Variants in ANKS3 observed in about 807,000 individuals in gnomAD.
The protein encoded by ANKS3 is ankyrin repeat and sterile alpha motif domain containing 3.
In ANKS3, 62 loss-of-function variants were observed where a neutral mutation model predicts 80.7. The ratio of observed to expected loss-of-function variants is 0.77; its 90% confidence interval spans 0.63 to 0.95. The LOEUF is 0.95. ANKS3 is among the 40% of genes least tolerant of loss of function. ANKS3 has a pLI of 0.00. For synonymous variants in ANKS3, 489 were observed against 355.3 expected, an observed-to-expected ratio of 1.38 and a Z score of -4.23; for missense variants, 1,150 against 883.6, an observed-to-expected ratio of 1.30 and a Z score of -3.82.
At chr16:4,714,349 G>GC (rs2080661612) in intron 6 of ANKS3, 163 bp from the exon 7 acceptor site, 2 of 1,048,276 alleles carry the variant, frequency 1.9e-6, no homozygotes, top group African/African-American at 3.2e-5. Flanking sequence ...TGTCTGCACC[G>GC]CAGCCACAAG....
chr16:4,710,003 C>T (rs963566407), intron 7 of ANKS3, among the ~76,000 whole-genome samples: 13 of 152,110 alleles, frequency 8.5e-5, no homozygotes, highest in African/African-American at 2.9e-4. Flanking sequence ...AAAGCGAGAA[C>T]CTGTCTCAAA....
intron 1 of ANKS3, among the ~76,000 whole-genome samples, chr16:4,733,202 C>CAAA (rs56944690): frequency 0.055 from 3,833 of 70,274 alleles, 517 homozygotes; most frequent in African/African-American, 0.095. Context: ...GACTCCGTCT[C>CAAA]AAAAAAAAAA....
At chr16:4,696,982 C>A in intron 17 of ANKS3, 35 bp downstream of exon 17, 1 of 1,603,772 alleles carries the variant, frequency 6.2e-7, no homozygotes, top group South Asian at 1.1e-5. Context: ...CCCTGCTGCT[C>A]CCACCACGCG....
rs150227397 is a variant in ANKS3, at chr16:4,698,848, G to T, written c.1503C>A (p.Ala501=). The T allele has an allele frequency of 3.9e-5, 63 of 1,606,192 alleles. No homozygotes were observed. The highest frequency in any genetic ancestry group is 5.6e-5 in the South Asian group (5 of 90,042). ...CCTGCATCTCAGCCTCCAGCCGGTC[G>T]GCGTAGGCCAGCTCCAGGGCATCCC... The part of the protein sequence containing the change: ...PPGDALELAY[A]DRLEAEMQEL... Residue 501 remains alanine, a synonymous_variant, in exon 13 of 18, where the codon GCC becomes GCA. Transcript: ENST00000304283.
intron 6 of ANKS3, among the ~76,000 whole-genome samples, chr16:4,722,614 AT>A (rs2081160792): frequency 6.6e-6 from 1 of 150,942 alleles, no homozygotes; most frequent in Non-Finnish European, 1.5e-5. Context: ...TGGCTAAGAA[AT>A]CAATTTAAAA....
chr16:4,701,619 C>A lies in ANKS3; in HGVS notation c.1010-76G>T, dbSNP rs1165843847. ...CGCATGGGCGTGCCCCGGGCTGAGC[C>A]GCCTCCACCAGGGCACTCCTTGGGG... On this transcript the variant is annotated intron_variant, in intron 9 of 17. Coordinates refer to ENST00000304283, the MANE Select transcript of ANKS3 (RefSeq NM_133450.4). 9 of 1,329,178 alleles carry A rather than the reference C, an allele frequency of 6.8e-6. 1 individual carries two copies. The South Asian group carries it at 1.2e-4, about 18-fold the overall frequency. The allele number at this position is 1,329,178 out of a possible 1,614,324, so 82.3% of individuals were successfully genotyped here.
At position 4,729,970 on chromosome 16, in the gene ANKS3, G is replaced by A. The variant is rs201506682; in HGVS notation, c.170+10C>T. 27 of 1,461,158 alleles carry A rather than the reference G, an allele frequency of 1.8e-5. No individual in the cohort carries two copies. In the East Asian group the frequency reaches 6.3e-4, roughly 34 times the overall value. The allele number at this position is 1,461,158 out of a possible 1,614,324, so 90.5% of individuals were successfully genotyped here. On this transcript the variant is annotated intron_variant, in intron 3 of 17. Transcript: ENST00000304283. Reference sequence around the variant, plus strand: ...CAAAATGTGAGAGGAAGTTCCCCGAGATCTCTTACCGCTGCACACACTCCT... The same window carrying A: ...CAAAATGTGAGAGGAAGTTCCCCGAAATCTCTTACCGCTGCACACACTCCT...
At chr16:4,706,331 C>T (rs747603680) in intron 7 of ANKS3, among the ~76,000 whole-genome samples, 14 of 151,952 alleles carry the variant, frequency 9.2e-5, no homozygotes, top group East Asian at 1.9e-4. Context: ...CCTGGGTTCA[C>T]GCCACTCTCC....
intron 10 of ANKS3, 143 bp downstream of exon 10, chr16:4,701,291 A>C: frequency 2.2e-6 from 3 of 1,369,824 alleles, no homozygotes; most frequent in Non-Finnish European, 3.0e-6. Flanking sequence ...GAGAAGCCAG[A>C]CCCTGGACAC....
chr16:4,715,277 A>G (rs2080733461), intron 6 of ANKS3, among the ~76,000 whole-genome samples: 1 of 152,094 alleles, frequency 6.6e-6, no homozygotes, highest in African/African-American at 2.4e-5. Flanking sequence ...CCACCTCTAC[A>G]AGAAAAAAAA....
intron 6 of ANKS3, among the ~76,000 whole-genome samples, chr16:4,717,834 C>T (rs999177135): frequency 3.3e-5 from 5 of 151,826 alleles, no homozygotes; most frequent in Non-Finnish European, 7.4e-5. Flanking sequence ...CTCACTCTGT[C>T]ACCCAGGCTG....
At position 4,698,010 on chromosome 16, in the gene ANKS3, C is replaced by T. The variant is rs9936675; in HGVS notation, c.1777G>A (p.Ala593Thr). The T allele has an allele frequency of 9.1e-3, 14,562 of 1,605,770 alleles. 941 individuals carry two copies. The African/African-American group carries it at 0.16, about 17-fold the overall frequency. The part of the protein sequence containing the change: ...SRVRQDQPPG[A>T]ATLGLAVPPA... ...GGGACGGCTAGGCCCAGAGTGGCTG[C>T]ACCAGGGGGCTGGTCCTGCCTCACT... is the stretch of plus-strand genomic sequence containing the variant. The change falls in exon 15 of 18, where the codon GCA (alanine) becomes ACA (threonine). Residue 593 changes from alanine to threonine, a missense_variant. Physicochemically the swap from Ala to Thr is moderately conservative, Grantham distance 58 (BLOSUM62 0). Transcript: ENST00000304283.
At chr16:4,717,986 G>A (rs1387180654) in intron 6 of ANKS3, among the ~76,000 whole-genome samples, 1 of 152,104 alleles carries the variant, frequency 6.6e-6, no homozygotes, top group East Asian at 1.9e-4. Context: ...TGTTGGCCAG[G>A]CTGGTCTTGA....
At chr16:4,704,845 C>G (rs1242370396) in intron 8 of ANKS3, among the ~76,000 whole-genome samples, 1 of 152,170 alleles carries the variant, frequency 6.6e-6, no homozygotes, top group African/African-American at 2.4e-5. Flanking sequence ...AGTTCTATTC[C>G]TAAATTTAAC....
chr16:4,733,144 T>C (rs1180506067), intron 1 of ANKS3, among the ~76,000 whole-genome samples: 1 of 131,300 alleles, frequency 7.6e-6, no homozygotes, highest in Non-Finnish European at 1.5e-5. Flanking sequence ...ATGAATAAGA[T>C]CTAGTATTTG....
intron 8 of ANKS3, among the ~76,000 whole-genome samples, chr16:4,703,118 CT>C (rs2080005886): frequency 1.3e-5 from 2 of 152,310 alleles, no homozygotes; most frequent in South Asian, 4.1e-4. Flanking sequence ...TCATTGCCCC[CT>C]AAACTGTTTT....
chr16:4,723,957 G>T (rs1446873694), intron 6 of ANKS3, among the ~76,000 whole-genome samples: 1 of 152,080 alleles, frequency 6.6e-6, no homozygotes, highest in Non-Finnish European at 1.5e-5. Context: ...GCTACTTGGG[G>T]GCTGAGGCAG....
Position 4,701,451 on chromosome 16 carries a change from A to G in ANKS3, c.1102T>C (p.Ser368Pro). 1.2e-6 allele frequency: 2 copies of G among 1,607,350 alleles called. No homozygotes were observed. Among genetic ancestry groups the G allele is most frequent in the Non-Finnish European group, 1.7e-6 (2 of 1,175,786 alleles). ...ATCCGTACCTCGTTGCTCTCCACAG[A>G]AGCTTCGCTGCTGAGCCCCTGGGCT... ...ARAQGLSSEA[S>P]VESNEDSDHA... Residue 368 changes from serine to proline, a missense_variant, in exon 10 of 18, where the codon TCT (serine) becomes CCT (proline). Ser to Pro is a moderately conservative substitution (Grantham distance 74). Coordinates refer to ENST00000304283, the MANE Select transcript of ANKS3 (RefSeq NM_133450.4).
chr16:4,696,990 G>T (rs368488833), intron 17 of ANKS3, 27 bp downstream of exon 17: 1 of 1,607,742 alleles, frequency 6.2e-7, no homozygotes, highest in Non-Finnish European at 8.5e-7. Context: ...CTCCCACCAC[G>T]CGGGATCCAG....
Sources: gnomAD v4.1 joint callset for allele counts (sites outside exome capture counted in the v4.1 genomes callset) on GRCh38, gnomAD v4.1.1 for gene constraint, MANE v1.5 for transcripts, NCBI Gene and HGNC (gene_info 2026-07-23, HGNC 2026-07-21) for gene names.